The following DPP6 variants were observed in gnomAD, a reference collection of about 807,000 sequenced individuals.
The protein encoded by DPP6 is A-type potassium channel modulatory protein DPP6.
In DPP6, 69 loss-of-function variants were observed where a neutral mutation model predicts 122.6. That is an observed-to-expected ratio of 0.56 (90% CI 0.46 to 0.69). The LOEUF (loss-of-function observed/expected upper bound fraction) is 0.69. DPP6 is among the 30% of genes least tolerant of loss of function. The pLI is 0.00. For missense variants in DPP6, 928 were observed against 1,116.9 expected (o/e 0.83, Z 2.41); for synonymous variants, 418 against 433.1 (o/e 0.97, Z 0.43).
At position 154,804,700 on chromosome 7, in the gene DPP6, G is replaced by A. The variant is rs538802499; in HGVS notation, c.1500-217G>A. On this transcript the variant is annotated intron_variant, in intron 14 of 25. Transcript: ENST00000377770. ...GCAGAGGCCAGTGCAGGGGGCACCC[G>A]GAGCCAGTGGAATCTGCACTGGTGT... 1.4e-4 allele frequency among the ~76,000 whole-genome samples: 22 copies of A among 152,322 alleles called. No homozygotes were observed. The South Asian group carries it at 2.9e-3, about 20-fold the overall frequency.
chr7:154,186,422 C>T (rs987703376), intron 1 of DPP6, among the ~76,000 whole-genome samples: 4 of 152,230 alleles, frequency 2.6e-5, no homozygotes, highest in Non-Finnish European at 4.4e-5. Context: ...CTGACATCTC[C>T]GAATGATCTG....
chr7:153,876,387 G>A, the DPP6 span, among the ~76,000 whole-genome samples: 6 of 101,176 alleles, frequency 5.9e-5, no homozygotes, highest in African/African-American at 1.2e-4. Flanking sequence ...CAAATTGACC[G>A]TATGTTTGAA....
Position 154,741,365 on chromosome 7 carries a change from C to T in DPP6, c.883+13478C>T, listed in dbSNP as rs144928493. 8.5e-5 allele frequency among the ~76,000 whole-genome samples: 13 copies of T among 152,340 alleles called. No individual in the cohort carries two copies. In the East Asian group the frequency reaches 2.5e-3, roughly 29 times the overall value. Reference sequence around the variant, plus strand: ...AGCCTCTGCATGCTGGCCACTCAGGCCTACGATTAGCCCCTCCCCAGCACA... The same window carrying T: ...AGCCTCTGCATGCTGGCCACTCAGGTCTACGATTAGCCCCTCCCCAGCACA... On this transcript the variant is annotated intron_variant, in intron 8 of 25. Transcript: ENST00000377770.
At chr7:153,908,876 C>A (rs1272143338) in intron 1 of DPP6, among the ~76,000 whole-genome samples, 7 of 152,146 alleles carry the variant, frequency 4.6e-5, no homozygotes, top group African/African-American at 1.7e-4. Flanking sequence ...GCCTCAGCCT[C>A]CTGAGTACCT....
intron 17 of DPP6, among the ~76,000 whole-genome samples, chr7:154,861,004 G>GA (rs1423389611): frequency 2.0e-5 from 3 of 152,106 alleles, no homozygotes; most frequent in South Asian, 4.1e-4. Context: ...AATGTTAAAA[G>GA]AAAAAAAATT....
At chr7:154,250,867 C>T (rs1802309061) in intron 1 of DPP6, among the ~76,000 whole-genome samples, 1 of 152,108 alleles carries the variant, frequency 6.6e-6, no homozygotes, top group South Asian at 2.1e-4. Flanking sequence ...CCATCAGATC[C>T]AAAATTCCAA....
intron 8 of DPP6, among the ~76,000 whole-genome samples, chr7:154,758,459 C>A (rs550374506): frequency 1.2e-3 from 188 of 151,312 alleles, no homozygotes; most frequent in African/African-American, 4.3e-3. Context: ...GAAATCTTCA[C>A]CTCCCAGGTT....
chr7:153,857,322 T>TTTTCTCTCTC, the DPP6 span, among the ~76,000 whole-genome samples: 1 of 124,390 alleles, frequency 8.0e-6, no homozygotes, highest in Non-Finnish European at 1.7e-5. Flanking sequence ...CTCAAAGGTT[T>TTTTCTCTCTC]TCTCTCTCTC....
In DPP6 at chr7:154,164,111, C is replaced by T. The variant is rs542787786; in HGVS notation, c.243+111048C>T. Among the ~76,000 whole-genome samples, 42 of 152,206 alleles carry T rather than the reference C, an allele frequency of 2.8e-4. No individual in the cohort carries two copies. In the South Asian group the frequency reaches 8.5e-3, roughly 31 times the overall value. Reference sequence around the variant, plus strand: ...GTCTGGCCTCTGCTCAGGTTCAGGTCTTGGGCCATCGTGTATTTTCCTTCT... The same window carrying T: ...GTCTGGCCTCTGCTCAGGTTCAGGTTTTGGGCCATCGTGTATTTTCCTTCT... On this transcript the variant is annotated intron_variant, in intron 1 of 25. Coordinates refer to ENST00000377770, the MANE Select transcript of DPP6 (RefSeq NM_130797.4).
rs111723738 is a variant in DPP6 at position 154,429,807 on chromosome 7, G to T, written c.244-16407G>T. ...GCAGCGAGGCCGGTGAAACACAGCA[G>T]TACCACGTGTCTTATGTCACATCAG... On this transcript the variant is annotated intron_variant, in intron 1 of 25. Coordinates refer to ENST00000377770, the MANE Select transcript of DPP6 (RefSeq NM_130797.4). Among the ~76,000 whole-genome samples the T allele has an allele frequency of 8.2e-3, 1,245 of 152,202 alleles. 15 individuals are homozygous for T. The highest frequency in any genetic ancestry group is 0.027 in the African/African-American group (1,127 of 41,540).
the DPP6 span, among the ~76,000 whole-genome samples, chr7:153,855,261 T>A: frequency 6.8e-6 from 1 of 146,082 alleles, no homozygotes; most frequent in Admixed American, 6.8e-5. Context: ...ATAATAAAAA[T>A]AATACCTATA....
At chr7:154,576,680 G>A (rs1394853615) in intron 5 of DPP6, among the ~76,000 whole-genome samples, 2 of 152,092 alleles carry the variant, frequency 1.3e-5, no homozygotes, top group African/African-American at 2.4e-5. Context: ...TCAGCAGGCC[G>A]GGCACAGCCC....
At chr7:154,256,427 C>T (rs972201880) in intron 1 of DPP6, among the ~76,000 whole-genome samples, 8 of 152,176 alleles carry the variant, frequency 5.3e-5, no homozygotes, top group African/African-American at 1.9e-4. Flanking sequence ...GACGCCGTCA[C>T]GGAAAACGAT....
intron 1 of DPP6, among the ~76,000 whole-genome samples, chr7:154,386,131 A>G (rs1814086823): frequency 6.6e-6 from 1 of 152,136 alleles, no homozygotes; most frequent in Non-Finnish European, 1.5e-5. Flanking sequence ...TTTTCCCTAA[A>G]GTGACAAACA....
At position 154,600,945 on chromosome 7, in the gene DPP6, G is replaced by A. The variant is rs1023822260; in HGVS notation, c.627+34029G>A. Reference sequence around the variant, plus strand: ...CATCTCTACTAAAAATACAAAATTTGCCAGGCGTGGTGGTACATGCCTGTA... The same window carrying A: ...CATCTCTACTAAAAATACAAAATTTACCAGGCGTGGTGGTACATGCCTGTA... On this transcript the variant is annotated intron_variant, in intron 5 of 25. Coordinates refer to ENST00000377770, the MANE Select transcript of DPP6 (RefSeq NM_130797.4). Among the ~76,000 whole-genome samples, 2 of 119,770 alleles carry A rather than the reference G, an allele frequency of 1.7e-5. 1 individual carries two copies. The highest frequency in any genetic ancestry group is 5.3e-5 in the African/African-American group (2 of 37,600). 78.6% of individuals were successfully genotyped at this position (119,770 alleles called of 152,430 possible).
intron 1 of DPP6, among the ~76,000 whole-genome samples, chr7:154,016,777 A>C (rs1392120210): frequency 6.6e-6 from 1 of 151,742 alleles, no homozygotes; most frequent in Non-Finnish European, 1.5e-5. Flanking sequence ...CCAACAGTGC[A>C]CAAGTGTTTC....
At chr7:153,887,477 A>G in exon 1 of DPP6, 4 of 500,132 alleles carry the variant, frequency 8.0e-6, no homozygotes, top group Non-Finnish European at 1.1e-5. Flanking sequence ...GGCCAAAAAG[A>G]GTTGATTGCT....
intron 5 of DPP6, among the ~76,000 whole-genome samples, chr7:154,610,707 CTGTGTG>C (rs10525265): frequency 0.023 from 2,786 of 122,024 alleles, 83 homozygotes; most frequent in African/African-American, 0.073. Flanking sequence ...GTGTTGTTCT[CTGTGTG>C]TGTGTGTGTG....
At chr7:153,918,978 CAAAAA>C (rs386411718) in intron 1 of DPP6, among the ~76,000 whole-genome samples, 4 of 89,344 alleles carry the variant, frequency 4.5e-5, no homozygotes, top group African/African-American at 1.8e-4. Flanking sequence ...GACTCTGTCT[CAAAAA>C]AAAAAAAAAA....
Sources: gnomAD v4.1 joint callset for allele counts (sites outside exome capture counted in the v4.1 genomes callset) on GRCh38, gnomAD v4.1.1 for gene constraint, MANE v1.5 for transcripts, NCBI Gene and HGNC (gene_info 2026-07-23, HGNC 2026-07-21) for gene names.